GPD1L: variants seen among roughly 807,000 people sequenced by gnomAD.
The protein encoded by GPD1L is glycerol-3-phosphate dehydrogenase 1-like protein.
Under a neutral mutation model 32.9 loss-of-function variants are expected in GPD1L, and 17 were observed. That is an observed-to-expected ratio of 0.52 (90% CI 0.35 to 0.78). The LOEUF (loss-of-function observed/expected upper bound fraction) is 0.78. Among genes scored for constraint, GPD1L ranks in the 30% least tolerant of loss-of-function variants. GPD1L has a pLI of 0.01. For missense variants in GPD1L, 361 were observed against 447.8 expected, an observed-to-expected ratio of 0.81 and a Z score of 1.75; for synonymous variants, 187 against 165.9, an observed-to-expected ratio of 1.13 and a Z score of -0.98.
intron 2 of GPD1L, among the ~76,000 whole-genome samples, chr3:32,135,366 C>T (rs1700648419): frequency 6.6e-6 from 1 of 152,222 alleles, no homozygotes; most frequent in African/African-American, 2.4e-5. Flanking sequence ...CACAGGCAAA[C>T]ACATGAGAAC....
In GPD1L at chr3:32,167,245, A is replaced by AG. The variant is rs1234898457; in HGVS notation, c.*1337dup. On this transcript the variant is annotated 3_prime_UTR_variant, in exon 8 of 8. Coordinates refer to ENST00000282541, the MANE Select transcript of GPD1L (RefSeq NM_015141.4). The stretch of plus-strand genomic sequence containing the variant: ...AACACTATGTCTGTACACCTCTTGA[A>AG]GGTGTCGAATGTATGTTTATACATC... 1.3e-5 allele frequency: 2 copies of AG among 152,202 alleles called. No homozygotes were observed. The highest frequency in any genetic ancestry group is 4.8e-5 in the African/African-American group (2 of 41,448). The allele number at this position is 152,202 out of a possible 1,614,324, so 9.4% of individuals were successfully genotyped here.
At chr3:32,122,020 T>G (rs1700430944) in intron 1 of GPD1L, among the ~76,000 whole-genome samples, 1 of 151,990 alleles carries the variant, frequency 6.6e-6, no homozygotes. Flanking sequence ...CTGCCCGCCT[T>G]GGCCTCCCAA....
chr3:32,108,194 TG>T (rs1700191445), intron 1 of GPD1L, among the ~76,000 whole-genome samples: 1 of 152,116 alleles, frequency 6.6e-6, no homozygotes, highest in Non-Finnish European at 1.5e-5. Context: ...GAGACTAGCC[TG>T]GGCAACACGG....
Position 32,140,378 on chromosome 3 carries a change from C to T in GPD1L, c.505+12C>T. The T allele has an allele frequency of 6.2e-7, 1 of 1,613,954 alleles. No homozygotes were observed. The highest frequency in any genetic ancestry group is 8.5e-7 in the Non-Finnish European group (1 of 1,179,886). The stretch of plus-strand genomic sequence containing the variant: ...TGAGACCACCATCGGTAAGCACTGC[C>T]TGGGAGGGACCCCAGGAGTCTGGAC... On this transcript the variant is annotated intron_variant, in intron 4 of 7. Coordinates refer to ENST00000282541, the MANE Select transcript of GPD1L (RefSeq NM_015141.4).
In GPD1L at chr3:32,166,064, C is replaced by T; in HGVS notation, c.*154C>T. ...AGGTTCGTTTTTGAATTGTGAGAGG[C>T]AGTTCATTAGCAAAGATGTACTGGG... On this transcript the variant is annotated 3_prime_UTR_variant, in exon 8 of 8. Coordinates refer to ENST00000282541, the MANE Select transcript of GPD1L (RefSeq NM_015141.4). 1 of 683,156 alleles carries T rather than the reference C, an allele frequency of 1.5e-6. No homozygotes were observed. The highest frequency in any genetic ancestry group is 1.6e-5 in the South Asian group (1 of 62,324). The allele number at this position is 683,156 out of a possible 1,614,324, so 42.3% of individuals were successfully genotyped here. A position where few individuals can be genotyped will look rare whatever the true frequency, so the allele number is the denominator to read the frequency against.
At chr3:32,159,476 A>G (rs528251869) in intron 6 of GPD1L, 92 bp from the exon 7 acceptor site, 15 of 886,794 alleles carry the variant, frequency 1.7e-5, no homozygotes, top group South Asian at 6.3e-5. Context: ...AAAAAAAAAA[A>G]AAAAGAAAAA....
At position 32,159,527 on chromosome 3, in the gene GPD1L, T is replaced by G. The variant is rs72546641; in HGVS notation, c.853-41T>G. ...AAACAAATAAATGATTCTTTAGTCT[T>G]TACCATAGTTTTTTTAAATATATAA... is the stretch of plus-strand genomic sequence containing the variant. On this transcript the variant is annotated intron_variant, in intron 6 of 7. Transcript: ENST00000282541. 2,889 of 1,160,280 alleles carry G rather than the reference T, an allele frequency of 2.5e-3. 50 individuals carry two copies. In the African/African-American group the frequency reaches 0.036, roughly 15 times the overall value. 71.9% of individuals were successfully genotyped at this position (1,160,280 alleles called of 1,614,324 possible).
In GPD1L at chr3:32,148,783, A is replaced by T. The variant is rs1052990138; in HGVS notation, c.618+2049A>T. On this transcript the variant is annotated intron_variant, in intron 5 of 7. Coordinates refer to ENST00000282541, the MANE Select transcript of GPD1L (RefSeq NM_015141.4). ...GCCCTCTCTCATCAGAGCCTGCCAG[A>T]GCAAGGACACATGGCCGTATGTTGC... 8.5e-5 allele frequency among the ~76,000 whole-genome samples: 13 copies of T among 152,360 alleles called. 1 individual carries two copies. The highest frequency in any genetic ancestry group is 3.1e-4 in the African/African-American group (13 of 41,596).
chr3:32,122,770 G>A (rs914240713), intron 1 of GPD1L, among the ~76,000 whole-genome samples: 3 of 152,216 alleles, frequency 2.0e-5, no homozygotes, highest in Admixed American at 2.0e-4. Context: ...TGAGTCTCAT[G>A]CATCTTAATC....
In GPD1L at chr3:32,140,212, C is replaced by A. The variant is rs1367703418; in HGVS notation, c.367-16C>A. On this transcript the variant is annotated splice_polypyrimidine_tract_variant and intron_variant, in intron 3 of 7. Coordinates refer to ENST00000282541, the MANE Select transcript of GPD1L (RefSeq NM_015141.4). Reference sequence around the variant, plus strand: ...TTGGCGGTTTGTTCTCTCCTAACTTCTTGGCATCCTTGTAGGGCATAGACG... The same window carrying A: ...TTGGCGGTTTGTTCTCTCCTAACTTATTGGCATCCTTGTAGGGCATAGACG... The A allele has an allele frequency of 6.2e-7, 1 of 1,613,908 alleles. No homozygotes were observed. The highest frequency in any genetic ancestry group is 2.2e-5 in the East Asian group (1 of 44,870).
At chr3:32,117,142 A>T (rs893624154) in intron 1 of GPD1L, among the ~76,000 whole-genome samples, 1 of 152,238 alleles carries the variant, frequency 6.6e-6, no homozygotes, top group African/African-American at 2.4e-5. Context: ...ATATCTATAC[A>T]TAAAGAACAT....
chr3:32,156,541 T>TGGGAGAGGGC (rs1392825570), intron 5 of GPD1L, among the ~76,000 whole-genome samples: 6 of 152,130 alleles, frequency 3.9e-5, no homozygotes, highest in Admixed American at 3.9e-4. Flanking sequence ...CATCACCCCG[T>TGGGAGAGGGC]GGGAGAGGGC....
intron 2 of GPD1L, among the ~76,000 whole-genome samples, chr3:32,135,774 A>C (rs1700652849): frequency 6.6e-6 from 1 of 152,242 alleles, no homozygotes; most frequent in East Asian, 1.9e-4. Flanking sequence ...AGATTAATGC[A>C]ATAGAATCAG....
Position 32,168,211 on chromosome 3 carries a change from G to T in GPD1L, c.*2301G>T, listed in dbSNP as rs755306391. The T allele has an allele frequency of 2.3e-4, 35 of 152,378 alleles. No individual in the cohort carries two copies. Among genetic ancestry groups the T allele is most frequent in the Non-Finnish European group, 2.5e-4 (17 of 67,978 alleles). 9.4% of individuals were successfully genotyped at this position (152,378 alleles called of 1,614,324 possible). On this transcript the variant is annotated 3_prime_UTR_variant, in exon 8 of 8. Transcript: ENST00000282541. ...GGATATTCTGCACATTATGGAAAAA[G>T]GTAAATTTTAGAAGTTTCTGCTCTA...
intron 1 of GPD1L, among the ~76,000 whole-genome samples, chr3:32,115,414 T>C (rs1180036801): frequency 6.6e-6 from 1 of 152,224 alleles, no homozygotes; most frequent in Non-Finnish European, 1.5e-5. Context: ...GTTCTCCAAG[T>C]CCCCACTGGA....
At chr3:32,121,999 G>T (rs1036994192) in intron 1 of GPD1L, among the ~76,000 whole-genome samples, 4 of 151,960 alleles carry the variant, frequency 2.6e-5, no homozygotes, top group Non-Finnish European at 5.9e-5. Context: ...TTGAACTCCT[G>T]ACCTCGTGAT....
intron 7 of GPD1L, 151 bp downstream of exon 7, chr3:32,159,825 G>A: frequency 1.5e-6 from 1 of 686,848 alleles, no homozygotes; most frequent in Admixed American, 2.1e-5. Flanking sequence ...GTGAACGTCT[G>A]TGATGAGAAG....
chr3:32,137,924 C>T (rs1032998921), intron 2 of GPD1L, among the ~76,000 whole-genome samples: 3 of 152,082 alleles, frequency 2.0e-5, no homozygotes, highest in Non-Finnish European at 4.4e-5. Flanking sequence ...GTGAAGTGCT[C>T]GGAGATTAGC....
At chr3:32,165,781 T>C (rs746469519) in intron 7 of GPD1L, 33 bp from the exon 8 acceptor site, 1 of 1,162,970 alleles carries the variant, frequency 8.6e-7, no homozygotes, top group Non-Finnish European at 1.3e-6. Flanking sequence ...TCCAGTGGCC[T>C]AACTTTGTCT....
Sources: gnomAD v4.1 joint callset for allele counts (sites outside exome capture counted in the v4.1 genomes callset) on GRCh38, gnomAD v4.1.1 for gene constraint, MANE v1.5 for transcripts, NCBI Gene and HGNC (gene_info 2026-07-23, HGNC 2026-07-21) for gene names.